The following SLC25A48 variants were observed in gnomAD, a reference collection of about 807,000 sequenced individuals.
The protein encoded by SLC25A48 is CTC-321K16.1.
SLC25A48 carries 29 observed loss-of-function variants against 32.2 expected under a neutral mutation model. The ratio of observed to expected loss-of-function variants is 0.90; its 90% CI spans 0.67 to 1.23. SLC25A48 has a LOEUF of 1.23. SLC25A48 is among the 50% of genes most tolerant of loss of function. The pLI is 0.00. For synonymous variants in SLC25A48, 164 were observed against 172.3 expected (o/e 0.95, Z 0.38); for missense variants, 399 against 422.7 (o/e 0.94, Z 0.49).
At chr5:135,722,168 T>C (rs1051528387) in intron 3 of SLC25A48, among the ~76,000 whole-genome samples, 2 of 152,250 alleles carry the variant, frequency 1.3e-5, no homozygotes, top group Non-Finnish European at 1.5e-5. Context: ...TGTAGAAACA[T>C]GCTAACTGAG....
At chr5:135,612,243 C>T (rs974707464) in intron 1 of SLC25A48, among the ~76,000 whole-genome samples, 2 of 152,194 alleles carry the variant, frequency 1.3e-5, no homozygotes, top group African/African-American at 2.4e-5. Context: ...AATTGGAAGA[C>T]TGCATATTTT....
intron 3 of SLC25A48, among the ~76,000 whole-genome samples, chr5:135,717,161 C>T (rs1179871889): frequency 2.0e-5 from 3 of 152,210 alleles, no homozygotes; most frequent in African/African-American, 7.2e-5. Context: ...ACTACCTGCT[C>T]TTCCTCAGGG....
At chr5:135,707,152 T>TC (rs1048774515) in intron 3 of SLC25A48, among the ~76,000 whole-genome samples, 1 of 152,044 alleles carries the variant, frequency 6.6e-6, no homozygotes, top group African/African-American at 2.4e-5. Context: ...CCAGGGAAGC[T>TC]CCCAGGGTCC....
rs1484298884 is a variant in SLC25A48 at position 135,780,791 on chromosome 5, G to A, written c.-520-31732G>A. Among the ~76,000 whole-genome samples, 15 of 114,718 alleles carry A rather than the reference G, an allele frequency of 1.3e-4. 6 individuals are homozygous for A. The highest frequency in any genetic ancestry group is 3.2e-4 in the Non-Finnish European group (15 of 46,584). The allele number at this position is 114,718 out of a possible 152,430, so 75.3% of individuals were successfully genotyped here. On this transcript the variant is annotated intron_variant, in intron 3 of 10. Transcript: ENST00000646290. ...GTGATATTTTCCTAATATCCGGGGAGGTGGGGAGAGGATGATATTACTCCC... is the reference window on the plus strand; with the variant it reads ...GTGATATTTTCCTAATATCCGGGGAAGTGGGGAGAGGATGATATTACTCCC...
intron 3 of SLC25A48, among the ~76,000 whole-genome samples, chr5:135,696,665 G>A (rs919185971): frequency 3.9e-5 from 6 of 152,352 alleles, no homozygotes; most frequent in Middle Eastern, 6.8e-3. Context: ...CCTTGGAGGA[G>A]ACCCAACTGG....
intron 3 of SLC25A48, among the ~76,000 whole-genome samples, chr5:135,783,403 C>T (rs1423096578): frequency 1.9e-5 from 2 of 105,354 alleles, no homozygotes; most frequent in African/African-American, 2.9e-5. Context: ...ATGGGGTGTA[C>T]ACCATCCCCC....
intron 3 of SLC25A48, among the ~76,000 whole-genome samples, chr5:135,775,240 A>C (rs1315310490): frequency 6.6e-6 from 1 of 151,762 alleles, no homozygotes; most frequent in Non-Finnish European, 1.5e-5. Flanking sequence ...GTGGGAGAGA[A>C]TGATATTACT....
chr5:135,708,547 A>C (rs1362652531), intron 3 of SLC25A48, among the ~76,000 whole-genome samples: 1 of 152,172 alleles, frequency 6.6e-6, no homozygotes, highest in Non-Finnish European at 1.5e-5. Flanking sequence ...CATTCATCCA[A>C]ATTCTCTGTG....
chr5:135,880,207 A>ATATCTAATC, intron 7 of SLC25A48, 110 bp downstream of exon 7: 1 of 1,413,450 alleles, frequency 7.1e-7, no homozygotes, highest in Non-Finnish European at 9.3e-7. Context: ...TGTTTGTCAC[A>ATATCTAATC]TATCTAATCT....
At chr5:135,851,160 G>A (rs1759824108) in intron 3 of SLC25A48, among the ~76,000 whole-genome samples, 1 of 152,200 alleles carries the variant, frequency 6.6e-6, no homozygotes, top group African/African-American at 2.4e-5. Context: ...CACTGGAAAT[G>A]TGGTCCCACT....
At position 135,888,013 on chromosome 5, in the gene SLC25A48, G is replaced by C. The variant is rs759299701; in HGVS notation, c.*8-19G>C. 1 of 1,550,970 alleles carries C rather than the reference G, an allele frequency of 6.4e-7. No homozygotes were observed. The highest frequency in any genetic ancestry group is 8.7e-7 in the Non-Finnish European group (1 of 1,146,232). On this transcript the variant is annotated intron_variant, in intron 7 of 7. Transcript: ENST00000681962. ...TTGCCTGCCTTCTTCTCTGAGTCTGGGTTGTTTGCTGTTTCCAGGAGGTGA... is the reference window on the plus strand; with the variant it reads ...TTGCCTGCCTTCTTCTCTGAGTCTGCGTTGTTTGCTGTTTCCAGGAGGTGA...
intron 3 of SLC25A48, among the ~76,000 whole-genome samples, chr5:135,699,902 T>G (rs1191642833): frequency 6.6e-6 from 1 of 152,218 alleles, no homozygotes; most frequent in East Asian, 1.9e-4. Flanking sequence ...AAAGCTATCC[T>G]GACACCCTGT....
chr5:135,689,151 A>G (rs192671420), intron 3 of SLC25A48, among the ~76,000 whole-genome samples: 4,587 of 152,262 alleles, frequency 0.03, 229 homozygotes, highest in African/African-American at 0.1. Context: ...TCAATGAGAT[A>G]AGCCAAATAC....
upstream of SLC25A48, among the ~76,000 whole-genome samples, chr5:135,830,857 T>A (rs1758185944): frequency 6.6e-6 from 1 of 152,114 alleles, no homozygotes; most frequent in South Asian, 2.1e-4. Context: ...AATGTCACGG[T>A]GGCAGATAGG....
chr5:135,641,813 A>G (rs1336816648), intron 3 of SLC25A48, among the ~76,000 whole-genome samples: 9 of 152,236 alleles, frequency 5.9e-5, no homozygotes, highest in African/African-American at 2.2e-4. Context: ...GAATGCTCCA[A>G]TACATCACCA....
At chr5:135,886,598 T>TAC (rs1762722890) in intron 7 of SLC25A48, among the ~76,000 whole-genome samples, 2 of 15,370 alleles carry the variant, frequency 1.3e-4, no homozygotes, top group Non-Finnish European at 2.3e-4. Flanking sequence ...AATATATATA[T>TAC]ATATATATAT....
chr5:135,710,013 CA>C (rs1754616160), intron 3 of SLC25A48, among the ~76,000 whole-genome samples: 1 of 152,194 alleles, frequency 6.6e-6, no homozygotes, highest in African/African-American at 2.4e-5. Flanking sequence ...AAGCTCACAA[CA>C]TGATGACATT....
chr5:135,620,341 G>A (rs1367908783), intron 1 of SLC25A48, among the ~76,000 whole-genome samples: 1 of 152,130 alleles, frequency 6.6e-6, no homozygotes, highest in Non-Finnish European at 1.5e-5. Context: ...GAGCTGGGCA[G>A]ACCTTCCTTC....
intron 1 of SLC25A48, chr5:135,609,360 T>C (rs984329957): frequency 6.6e-6 from 1 of 152,204 alleles, no homozygotes; most frequent in African/African-American, 2.4e-5. Flanking sequence ...TTGGCCCTCA[T>C]GGAGCTGCTG....
Sources: allele counts gnomAD v4.1 joint callset (sites outside exome capture counted in the v4.1 genomes callset), GRCh38; gene constraint gnomAD v4.1.1; transcripts MANE v1.5; gene names NCBI Gene and HGNC (gene_info 2026-07-23, HGNC 2026-07-21).